AGBL1: variants seen among roughly 807,000 people sequenced by gnomAD.
AGBL1 encodes cytosolic carboxypeptidase 4.
A neutral mutation model predicts 118.9 loss-of-function variants in AGBL1; 130 were observed. The observed-to-expected ratio is 1.09, with a 90% CI of 0.95 to 1.26. The LOEUF (loss-of-function observed/expected upper bound fraction) is 1.26. Ranked by LOEUF, AGBL1 falls within the 50% of genes most tolerant of loss-of-function variation. AGBL1 has a pLI of 0.00. For missense variants in AGBL1, 1,584 were observed against 1,298.1 expected (o/e 1.22, Z -3.38); for synonymous variants, 555 against 478.9 (o/e 1.16, Z -2.08).
intron 23 of AGBL1, among the ~76,000 whole-genome samples, chr15:86,933,844 T>G (rs770329824): frequency 1.2e-4 from 19 of 152,208 alleles, no homozygotes; most frequent in Non-Finnish European, 2.4e-4. Context: ...CCGGAGGAAT[T>G]GCCACTTTGG....
At chr15:86,933,479 C>G (rs1474205164) in intron 23 of AGBL1, among the ~76,000 whole-genome samples, 3 of 152,174 alleles carry the variant, frequency 2.0e-5, no homozygotes, top group African/African-American at 7.2e-5. Flanking sequence ...TCCCCAATTG[C>G]TCTCATAGAT....
At chr15:86,468,688 A>G (rs534259120) in intron 18 of AGBL1, among the ~76,000 whole-genome samples, 4 of 152,304 alleles carry the variant, frequency 2.6e-5, no homozygotes, top group African/African-American at 9.6e-5. Context: ...TGTGTTGTTC[A>G]TGTTCATAGC....
At chr15:86,979,324 A>T (rs1484662888) in intron 23 of AGBL1, among the ~76,000 whole-genome samples, 1 of 152,208 alleles carries the variant, frequency 6.6e-6, no homozygotes, top group Non-Finnish European at 1.5e-5. Context: ...AAATAAAATA[A>T]CTATCCACAA....
At chr15:86,778,476 C>CT (rs1029533596) in intron 22 of AGBL1, among the ~76,000 whole-genome samples, 9 of 152,052 alleles carry the variant, frequency 5.9e-5, no homozygotes, top group Non-Finnish European at 1.2e-4. Context: ...GGCCACCCCC[C>CT]GAAGCGGCCA....
At chr15:86,690,798 C>T (rs2086151782) in intron 22 of AGBL1, among the ~76,000 whole-genome samples, 1 of 152,000 alleles carries the variant, frequency 6.6e-6, no homozygotes, top group Non-Finnish European at 1.5e-5. Flanking sequence ...TGAGAGGGTA[C>T]TGTCCAATAG....
intron 21 of AGBL1, among the ~76,000 whole-genome samples, chr15:86,601,832 A>G (rs2084498846): frequency 6.6e-6 from 1 of 152,166 alleles, no homozygotes; most frequent in African/African-American, 2.4e-5. Context: ...TACTCCATCC[A>G]ATAGATAAAG....
chr15:86,220,383 T>C (rs1052730823), intron 5 of AGBL1, among the ~76,000 whole-genome samples: 19 of 152,218 alleles, frequency 1.2e-4, no homozygotes, highest in African/African-American at 4.3e-4. Flanking sequence ...ATGTGATGTA[T>C]AATGATGTAT....
At chr15:86,517,735 C>T (rs911425742) in intron 18 of AGBL1, among the ~76,000 whole-genome samples, 2 of 152,144 alleles carry the variant, frequency 1.3e-5, no homozygotes, top group Non-Finnish European at 2.9e-5. Flanking sequence ...CCCTGACAAC[C>T]CTGGTTGTTT....
At chr15:87,021,445 T>G (rs1253525103) in intron 24 of AGBL1, among the ~76,000 whole-genome samples, 1 of 152,124 alleles carries the variant, frequency 6.6e-6, no homozygotes, top group Non-Finnish European at 1.5e-5. Flanking sequence ...GGCAAAGATT[T>G]CATGACAAAA....
chr15:86,633,792 ATATAATG>A (rs1173574741), intron 21 of AGBL1, among the ~76,000 whole-genome samples: 2 of 86,190 alleles, frequency 2.3e-5, no homozygotes, highest in African/African-American at 9.6e-5. Flanking sequence ...GTGTATATAT[ATATAATG>A]TATATATATA....
chr15:86,854,401 G>A (rs2079449157), intron 22 of AGBL1, among the ~76,000 whole-genome samples: 1 of 152,240 alleles, frequency 6.6e-6, no homozygotes, highest in East Asian at 1.9e-4. Flanking sequence ...AACAGATGAG[G>A]TGAACTGTGG....
intron 22 of AGBL1, among the ~76,000 whole-genome samples, chr15:86,775,714 CAGA>C (rs977462860): frequency 2.0e-5 from 3 of 151,906 alleles, no homozygotes; most frequent in African/African-American, 7.3e-5. Context: ...TAACTCATGC[CAGA>C]AGATTTTTTC....
In AGBL1 at chr15:86,788,518, T is replaced by C. The variant is rs533757773; in HGVS notation, c.3158+114082T>C. ...GATTTCTTCATTTGTAAAATACTTA[T>C]AGAACATCTACTATGGGGTCTAGGG... On this transcript the variant is annotated intron_variant, in intron 22 of 22. Transcript: ENST00000614907. 5.9e-5 allele frequency among the ~76,000 whole-genome samples: 9 copies of C among 152,294 alleles called. No individual in the cohort carries two copies. In the South Asian group the frequency reaches 8.3e-4, roughly 14 times the overall value.
chr15:86,504,193 T>C (rs1213947110), intron 18 of AGBL1, among the ~76,000 whole-genome samples: 1 of 151,708 alleles, frequency 6.6e-6, no homozygotes, highest in African/African-American at 2.4e-5. Flanking sequence ...TTGTAACTGT[T>C]TGTGAGTTAA....
chr15:86,451,996 C>A (rs4352021), intron 18 of AGBL1, among the ~76,000 whole-genome samples: 81,878 of 151,900 alleles, frequency 0.54, 22,921 homozygotes, highest in East Asian at 0.82. Context: ...CTACTTGAAC[C>A]AGCTGTTCAA....
chr15:86,130,720 C>T (rs1367136342), intron 1 of AGBL1, among the ~76,000 whole-genome samples: 1 of 152,074 alleles, frequency 6.6e-6, no homozygotes, highest in African/African-American at 2.4e-5. Context: ...ATTTTCAATG[C>T]TTTTTATTGA....
intron 22 of AGBL1, among the ~76,000 whole-genome samples, chr15:86,887,581 G>T (rs1213786322): frequency 6.6e-6 from 1 of 152,164 alleles, no homozygotes; most frequent in East Asian, 1.9e-4. Flanking sequence ...TGTGAAAATA[G>T]AAATACCATT....
At chr15:86,205,381 G>A (rs2077975177) in intron 5 of AGBL1, among the ~76,000 whole-genome samples, 1 of 152,188 alleles carries the variant, frequency 6.6e-6, no homozygotes, top group Non-Finnish European at 1.5e-5. Flanking sequence ...TTGCTTCCAA[G>A]TTCTGGCAAT....
chr15:86,536,685 T>G (rs2083431256), intron 19 of AGBL1, among the ~76,000 whole-genome samples: 1 of 152,134 alleles, frequency 6.6e-6, no homozygotes, highest in South Asian at 2.1e-4. Flanking sequence ...TATGTTTTAT[T>G]TGTTGTGGAA....
Sources: allele counts gnomAD v4.1 joint callset (sites outside exome capture counted in the v4.1 genomes callset), GRCh38; gene constraint gnomAD v4.1.1; transcripts MANE v1.5; gene names NCBI Gene and HGNC (gene_info 2026-07-23, HGNC 2026-07-21).